The following UNC13C variants were observed in gnomAD, a reference collection of about 807,000 sequenced individuals.
UNC13C encodes unc-13 homolog C, also known as protein unc-13 homolog C.
UNC13C carries 174 observed loss-of-function variants against 245.4 expected under a neutral mutation model. The observed-to-expected ratio is 0.71, with a 90% CI of 0.63 to 0.80. UNC13C has a LOEUF of 0.80. Ranked by LOEUF, UNC13C falls within the 30% of genes least tolerant of loss-of-function variation. UNC13C has a pLI of 0.00. For synonymous variants in UNC13C, 992 were observed against 895.1 expected (o/e 1.11, Z -1.93); for missense variants, 2,829 against 2,602.9 (o/e 1.09, Z -1.89).
At chr15:54,139,798 C>G (rs1333289658) in intron 2 of UNC13C, among the ~76,000 whole-genome samples, 1 of 152,040 alleles carries the variant, frequency 6.6e-6, no homozygotes, top group Non-Finnish European at 1.5e-5. Context: ...ATATTCCTTT[C>G]TCTTTTTACT....
At chr15:54,192,025 G>A (rs2034201749) in intron 4 of UNC13C, among the ~76,000 whole-genome samples, 1 of 151,780 alleles carries the variant, frequency 6.6e-6, no homozygotes, top group African/African-American at 2.4e-5. Context: ...TGAAGCTGTG[G>A]AGGAGCTCTT....
chr15:54,552,943 A>ATTCTATATTACAATATATAT (rs1896895498), intron 28 of UNC13C, among the ~76,000 whole-genome samples: 1 of 46,708 alleles, frequency 2.1e-5, no homozygotes, highest in Non-Finnish European at 3.4e-5. Flanking sequence ...ACATTATATA[A>ATTCTATATTACAATATATAT]TATATATTGT....
chr15:54,041,665 T>C (rs1896812121), intron 2 of UNC13C, among the ~76,000 whole-genome samples: 1 of 152,200 alleles, frequency 6.6e-6, no homozygotes, highest in Admixed American at 6.5e-5. Flanking sequence ...TTGGCCAAGT[T>C]GCTTATCTTT....
chr15:53,884,417 T>C, the UNC13C span, among the ~76,000 whole-genome samples: 1 of 152,162 alleles, frequency 6.6e-6, no homozygotes, highest in South Asian at 2.1e-4. Context: ...CGGCCTGAAC[T>C]CCTGGGCTCA....
intron 30 of UNC13C, among the ~76,000 whole-genome samples, chr15:54,597,353 G>A (rs966492837): frequency 8.5e-5 from 13 of 152,174 alleles, no homozygotes; most frequent in Admixed American, 3.9e-4. Flanking sequence ...TACCAGGTAC[G>A]TTAGGAGATA....
At chr15:54,086,438 A>C (rs1034292119) in intron 2 of UNC13C, among the ~76,000 whole-genome samples, 6 of 152,144 alleles carry the variant, frequency 3.9e-5, no homozygotes, top group Non-Finnish European at 8.8e-5. Context: ...ATAACCAAAA[A>C]TTTTTCAGCA....
intron 14 of UNC13C, among the ~76,000 whole-genome samples, chr15:54,330,414 C>T (rs765544278): frequency 6.6e-6 from 1 of 151,908 alleles, no homozygotes; most frequent in African/African-American, 2.4e-5. Flanking sequence ...ATATGATATT[C>T]TTTTAGTAAG....
At chr15:54,125,713 A>G (rs572327141) in intron 2 of UNC13C, among the ~76,000 whole-genome samples, 5 of 152,160 alleles carry the variant, frequency 3.3e-5, no homozygotes, top group Non-Finnish European at 7.4e-5. Flanking sequence ...TGCTTTATCT[A>G]TTTTGCAGCT....
At chr15:54,409,676 A>G (rs1268055999) in intron 18 of UNC13C, among the ~76,000 whole-genome samples, 2 of 152,206 alleles carry the variant, frequency 1.3e-5, no homozygotes, top group African/African-American at 4.8e-5. Flanking sequence ...GATGACCTCC[A>G]ACTCCATCCA....
chr15:54,143,427 T>C (rs1198597461), intron 3 of UNC13C, among the ~76,000 whole-genome samples, 193 bp from the exon 4 acceptor site: 1 of 151,986 alleles, frequency 6.6e-6, no homozygotes, highest in Admixed American at 6.5e-5. Context: ...TTTGTTTAAA[T>C]GCTGACAGCT....
chr15:54,215,054 A>G (rs2034999267), intron 4 of UNC13C, among the ~76,000 whole-genome samples: 1 of 151,966 alleles, frequency 6.6e-6, no homozygotes, highest in Non-Finnish European at 1.5e-5. Flanking sequence ...TTAGGTACAC[A>G]GAACATTATG....
At chr15:54,106,261 G>C (rs187214878) in intron 2 of UNC13C, among the ~76,000 whole-genome samples, 2,728 of 152,238 alleles carry the variant, frequency 0.018, 30 homozygotes, top group Middle Eastern at 0.037. Flanking sequence ...TGTAGAACCA[G>C]CTCTGAAGCC....
intron 4 of UNC13C, among the ~76,000 whole-genome samples, chr15:54,215,558 G>A (rs1440532137): frequency 1.3e-5 from 2 of 151,978 alleles, no homozygotes; most frequent in East Asian, 1.9e-4. Flanking sequence ...GCATTATTGA[G>A]CTTTAATAGG....
intron 1 of UNC13C, among the ~76,000 whole-genome samples, chr15:53,986,201 T>C (rs546533189): frequency 1.3e-5 from 2 of 152,118 alleles, no homozygotes; most frequent in African/African-American, 4.8e-5. Flanking sequence ...TCTCAAAGAG[T>C]GAACAAAAGG....
At position 54,393,547 on chromosome 15, in the gene UNC13C, G is replaced by T. The variant is rs532155743; in HGVS notation, c.4847+366G>T. On this transcript the variant is annotated intron_variant, in intron 18 of 32. Coordinates refer to ENST00000260323, the MANE Select transcript of UNC13C (RefSeq NM_001080534.3). ...GAGCTAGTGTTAAACATATTGCATT[G>T]TGGCTTTTTAATAATAAAGATTTGG... Among the ~76,000 whole-genome samples the T allele has an allele frequency of 1.7e-3, 263 of 151,912 alleles. 2 individuals are homozygous for T. Among genetic ancestry groups the T allele is most frequent in the African/African-American group, 5.9e-3 (245 of 41,502 alleles).
intron 2 of UNC13C, among the ~76,000 whole-genome samples, chr15:54,064,361 G>A (rs1319381619): frequency 6.6e-6 from 1 of 152,130 alleles, no homozygotes; most frequent in Admixed American, 6.5e-5. Context: ...TTGCAACCTC[G>A]AAGTTTGAGA....
chr15:54,040,732 C>A (rs1244618423), intron 2 of UNC13C, among the ~76,000 whole-genome samples: 1 of 152,182 alleles, frequency 6.6e-6, no homozygotes, highest in Non-Finnish European at 1.5e-5. Context: ...AAACTGTCTT[C>A]AGGTGTGTAG....
intron 30 of UNC13C, among the ~76,000 whole-genome samples, chr15:54,619,504 G>C (rs1409003838): frequency 1.3e-5 from 2 of 152,154 alleles, no homozygotes; most frequent in South Asian, 4.1e-4. Context: ...TGTTGTCTGT[G>C]TGTGAACAGG....
chr15:54,232,219 G>A (rs1282739854), intron 4 of UNC13C, among the ~76,000 whole-genome samples: 1 of 152,074 alleles, frequency 6.6e-6, no homozygotes, highest in Non-Finnish European at 1.5e-5. Context: ...TATGTTTTGA[G>A]GCTATCTGTG....
Sources: gnomAD v4.1 joint callset for allele counts (sites outside exome capture counted in the v4.1 genomes callset) on GRCh38, gnomAD v4.1.1 for gene constraint, MANE v1.5 for transcripts, NCBI Gene and HGNC (gene_info 2026-07-23, HGNC 2026-07-21) for gene names.